Variants in MIA2 observed in about 807,000 individuals in gnomAD.
MIA2 encodes melanoma inhibitory activity protein 2.
A neutral mutation model predicts 167.8 loss-of-function variants in MIA2; 127 were observed. The ratio of observed to expected loss-of-function variants is 0.76; its 90% CI spans 0.66 to 0.88. The LOEUF (loss-of-function observed/expected upper bound fraction) is 0.88, where lower values mean the gene tolerates loss of function less well. MIA2 is among the 40% of genes least tolerant of loss of function. The probability of loss-of-function intolerance (pLI) is 0.00; values close to 1 mark genes in which losing one functional copy is unlikely to be tolerated. For synonymous variants in MIA2, 552 were observed against 541.9 expected (o/e 1.02, Z -0.26); for missense variants, 1,690 against 1,624.7 (o/e 1.04, Z -0.69).
At chr14:39,246,887 CAT>C in intron 3 of MIA2, 22 bp from the exon 4 acceptor site, 1 of 1,293,456 alleles carries the variant, frequency 7.7e-7, no homozygotes, top group Non-Finnish European at 1.1e-6. Context: ...TCATGTTAAT[CAT>C]ATATATATTT....
At chr14:39,343,974 CTTATA>C (rs1171217890) in intron 25 of MIA2, among the ~76,000 whole-genome samples, 1 of 152,190 alleles carries the variant, frequency 6.6e-6, no homozygotes, top group East Asian at 1.9e-4. Flanking sequence ...TAGTCTACCT[CTTATA>C]TTATGTATAT....
At chr14:39,372,141 G>A (rs1317248438) in intron 23 of MIA2, among the ~76,000 whole-genome samples, 2 of 151,500 alleles carry the variant, frequency 1.3e-5, no homozygotes, top group Admixed American at 1.3e-4. Context: ...TTTCTTATAA[G>A]TAGAGGGATT....
Position 39,288,447 on chromosome 14 carries a change from A to ATTTTTT in MIA2, c.2131-2571_2131-2570insTTTTTT, listed in dbSNP as rs1566746559. 1.3e-3 allele frequency among the ~76,000 whole-genome samples: 6 copies of ATTTTTT among 4,576 alleles called. 2 individuals are homozygous for ATTTTTT. Among genetic ancestry groups the ATTTTTT allele is most frequent in the East Asian group, 4.2e-3 (1 of 238 alleles). 3.0% of individuals were successfully genotyped at this position (4,576 alleles called of 152,430 possible). On this transcript the variant is annotated intron_variant, in intron 9 of 28. Coordinates refer to ENST00000640607, the MANE Select transcript of MIA2 (RefSeq NM_001329214.4). ...ATATATTATACATATATATATATAT[A>ATTTTTT]TATATATATATATATATATATATAT...
Position 39,345,632 on chromosome 14 carries a change from A to G in MIA2, c.3656-272A>G, listed in dbSNP as rs117020545. 5.3e-3 allele frequency among the ~76,000 whole-genome samples: 803 copies of G among 152,280 alleles called. 3 individuals are homozygous for G. Among genetic ancestry groups the G allele is most frequent in the Non-Finnish European group, 6.7e-3 (458 of 68,026 alleles). On this transcript the variant is annotated intron_variant, in intron 25 of 28. Transcript: ENST00000640607. ...TGGAAAGTTAATTTACATATATATA[A>G]AACTAAATTCTGTTTTCACATATTC...
intron 23 of MIA2, among the ~76,000 whole-genome samples, chr14:39,383,185 T>C (rs913776924): frequency 6.6e-6 from 1 of 152,108 alleles, no homozygotes; most frequent in Non-Finnish European, 1.5e-5. Flanking sequence ...TTTTAACACA[T>C]TGAAGGTTTG....
intron 23 of MIA2, among the ~76,000 whole-genome samples, chr14:39,360,161 G>C (rs1368241895): frequency 6.6e-6 from 1 of 152,106 alleles, no homozygotes; most frequent in African/African-American, 2.4e-5. Context: ...AATTATCTGG[G>C]CATGGTGGCG....
rs575534794 is a variant in MIA2, at chr14:39,242,819, A to G, written c.336+2172A>G. On this transcript the variant is annotated intron_variant, in intron 3 of 28. Transcript: ENST00000640607. ...ACTCTTGGGAATAGCACCTGTGAAGAACAAAAGAAAAAGCGGGACTTGGCT... is the reference window on the plus strand; with the variant it reads ...ACTCTTGGGAATAGCACCTGTGAAGGACAAAAGAAAAAGCGGGACTTGGCT... Among the ~76,000 whole-genome samples the G allele has an allele frequency of 4.6e-5, 7 of 152,098 alleles. No homozygotes were observed. In the South Asian group the frequency reaches 1.2e-3, roughly 27 times the overall value.
chr14:39,351,772 A>T (rs910595682), downstream of MIA2, among the ~76,000 whole-genome samples: 5 of 151,752 alleles, frequency 3.3e-5, no homozygotes, highest in Admixed American at 2.0e-4. Context: ...CATCTGGCGA[A>T]TTTTTTTTGT....
intron 25 of MIA2, among the ~76,000 whole-genome samples, chr14:39,329,888 T>G (rs1003009542): frequency 6.6e-6 from 1 of 152,214 alleles, no homozygotes. Flanking sequence ...TTATTGAGGA[T>G]TTTTGCATCA....
chr14:39,348,616 C>G (rs2073908470), intron 27 of MIA2, 127 bp from the exon 28 acceptor site: 5 of 1,349,252 alleles, frequency 3.7e-6, no homozygotes, highest in Non-Finnish European at 5.2e-6. Context: ...TTGAATCTTT[C>G]TCTAGAGCTT....
At chr14:39,269,223 T>C (rs1311416700) in intron 6 of MIA2, among the ~76,000 whole-genome samples, 1 of 152,038 alleles carries the variant, frequency 6.6e-6, no homozygotes, top group African/African-American at 2.4e-5. Flanking sequence ...AAATTCATCC[T>C]TTTATAATGT....
In MIA2 at chr14:39,320,966, T is replaced by TC. The variant is rs1259720514; in HGVS notation, c.3407dup (p.Ser1137IlefsTer2). ...TGGTCCCTCACCATTGGGTTGGCCT[T>TC]CATCTGAAACAAGAGCTTTTCTCTC... On this transcript the variant is annotated frameshift_variant, in exon 24 of 29. Transcript: ENST00000640607. LOFTEE classifies it high-confidence loss of function. 6.2e-7 allele frequency: 1 copy of TC among 1,613,794 alleles called. No individual in the cohort carries two copies.
intron 13 of MIA2, 132 bp downstream of exon 13, chr14:39,295,161 A>G (rs538690881): frequency 8.9e-6 from 6 of 676,998 alleles, no homozygotes; most frequent in Non-Finnish European, 1.6e-5. Flanking sequence ...ACAGTCTCCC[A>G]TACATATTTC....
At chr14:39,271,428 G>A (rs113340650) in intron 6 of MIA2, among the ~76,000 whole-genome samples, 5 of 152,096 alleles carry the variant, frequency 3.3e-5, no homozygotes, top group East Asian at 1.9e-4. Flanking sequence ...GTCCCCCAGC[G>A]TTGTTTTTGT....
intron 9 of MIA2, among the ~76,000 whole-genome samples, chr14:39,287,983 A>G (rs998544571): frequency 6.6e-6 from 1 of 152,084 alleles, no homozygotes; most frequent in African/African-American, 2.4e-5. Context: ...AGTAGCTGGG[A>G]CTACAGGTGT....
intron 23 of MIA2, chr14:39,385,641 TGTTA>T (rs2075260979): frequency 2.4e-6 from 2 of 849,322 alleles, no homozygotes; most frequent in South Asian, 1.3e-5. Context: ...TTCTTCTGGA[TGTTA>T]GTTCTAAAAG....
At chr14:39,243,706 G>A (rs1211040514) in intron 3 of MIA2, among the ~76,000 whole-genome samples, 1 of 151,960 alleles carries the variant, frequency 6.6e-6, no homozygotes, top group Non-Finnish European at 1.5e-5. Flanking sequence ...TCTTTACTAA[G>A]AATACAAAAA....
chr14:39,351,272 G>A (rs1186987299), downstream of MIA2: 1 of 151,340 alleles, frequency 6.6e-6, no homozygotes, highest in Non-Finnish European at 1.5e-5. Flanking sequence ...CTTGAATAAA[G>A]CAGTGATATA....
rs2060140134 is a variant in MIA2 at position 39,288,448 on chromosome 14, TATATATATATATATATATATATATA to T, written c.2131-2570_2131-2546del. 1.4e-3 allele frequency among the ~76,000 whole-genome samples: 49 copies of T among 34,678 alleles called. 1 individual carries two copies. Among genetic ancestry groups the T allele is most frequent in the South Asian group, 2.4e-3 (3 of 1,234 alleles). The allele number at this position is 34,678 out of a possible 152,430, so 22.8% of individuals were successfully genotyped here. A position where few individuals can be genotyped will look rare whatever the true frequency, so the allele number is the denominator to read the frequency against. On this transcript the variant is annotated intron_variant, in intron 9 of 28. Coordinates refer to ENST00000640607, the MANE Select transcript of MIA2 (RefSeq NM_001329214.4). ...TATATTATACATATATATATATATA[TATATATATATATATATATATATATA>T]TATTTTTTTTTTTTTTTTTGAGACG...
Sources: gnomAD v4.1 joint callset for allele counts (sites outside exome capture counted in the v4.1 genomes callset) on GRCh38, gnomAD v4.1.1 for gene constraint, MANE v1.5 for transcripts, NCBI Gene and HGNC (gene_info 2026-07-23, HGNC 2026-07-21) for gene names.